Variants in CENPC observed in about 807,000 individuals in gnomAD.
CENPC encodes CENP-C 1.
A neutral mutation model predicts 112.1 loss-of-function variants in CENPC; 63 were observed. The ratio of observed to expected loss-of-function variants is 0.56; its 90% confidence interval spans 0.46 to 0.69. The LOEUF is 0.69. CENPC is among the 30% of genes least tolerant of loss of function. The pLI, the probability that CENPC is intolerant of heterozygous loss-of-function variation, is 0.00. For synonymous variants in CENPC, 333 were observed against 367.6 expected, an observed-to-expected ratio of 0.91 and a Z score of 1.08; for missense variants, 1,000 against 1,103.8, an observed-to-expected ratio of 0.91 and a Z score of 1.33.
At chr4:67,511,604 G>C (rs1207533301) in intron 9 of CENPC, among the ~76,000 whole-genome samples, 1 of 152,046 alleles carries the variant, frequency 6.6e-6, no homozygotes, top group Non-Finnish European at 1.5e-5. Context: ...GTGGTGTTGT[G>C]GGCCTAAACT....
intron 12 of CENPC, among the ~76,000 whole-genome samples, chr4:67,504,092 CAAAAAA>C (rs33925641): frequency 8.8e-6 from 1 of 114,104 alleles, no homozygotes; most frequent in Admixed American, 9.2e-5. Context: ...GTGAATGGGG[CAAAAAA>C]AAAAAAAAAA....
At chr4:67,523,087 G>A (rs191492446) in intron 5 of CENPC, among the ~76,000 whole-genome samples, 232 of 152,120 alleles carry the variant, frequency 1.5e-3, no homozygotes, top group African/African-American at 4.7e-3. Context: ...TGAGGCAGGC[G>A]GATAACTTGA....
chr4:67,483,878 C>A (rs1489042349), intron 17 of CENPC, among the ~76,000 whole-genome samples: 1 of 151,900 alleles, frequency 6.6e-6, no homozygotes, highest in Non-Finnish European at 1.5e-5. Flanking sequence ...ACAAAAGAGT[C>A]CAAAAGTTAA....
intron 17 of CENPC, among the ~76,000 whole-genome samples, chr4:67,478,790 G>GC (rs535815603): frequency 6.5e-4 from 99 of 152,182 alleles, no homozygotes; most frequent in African/African-American, 1.9e-3. Flanking sequence ...GAATGCATAA[G>GC]CATTCACCAA....
At chr4:67,502,411 A>T (rs1246461758) in intron 12 of CENPC, among the ~76,000 whole-genome samples, 1 of 152,198 alleles carries the variant, frequency 6.6e-6, no homozygotes, top group Non-Finnish European at 1.5e-5. Context: ...AGAAACAACA[A>T]CCAACCAAAA....
At chr4:67,544,026 C>T (rs563061688) in intron 2 of CENPC, 123 bp downstream of exon 2, 1 of 645,478 alleles carries the variant, frequency 1.5e-6, no homozygotes, top group East Asian at 2.9e-5. Context: ...AGATGACTAC[C>T]CTTAATCAGT....
chr4:67,529,861 T>C (rs1265845878), intron 5 of CENPC, among the ~76,000 whole-genome samples: 1 of 152,148 alleles, frequency 6.6e-6, no homozygotes, highest in African/African-American at 2.4e-5. Flanking sequence ...AAGCTACTAT[T>C]AGTAACAAGA....
At chr4:67,540,207 T>A (rs1726849993) in intron 3 of CENPC, among the ~76,000 whole-genome samples, 1 of 152,230 alleles carries the variant, frequency 6.6e-6, no homozygotes, top group Non-Finnish European at 1.5e-5. Flanking sequence ...CATCTGCCCC[T>A]ATTTCTTTGG....
chr4:67,521,487 T>C (rs1726228609), intron 5 of CENPC, among the ~76,000 whole-genome samples: 3 of 152,164 alleles, frequency 2.0e-5, no homozygotes, highest in East Asian at 3.8e-4. Flanking sequence ...AATGAGATAC[T>C]ACATCACACC....
chr4:67,490,840 AT>A (rs1299827975), intron 16 of CENPC, among the ~76,000 whole-genome samples: 1,273 of 6,660 alleles, frequency 0.19, 10 homozygotes, highest in Non-Finnish European at 0.33. Context: ...AGAAATAAAT[AT>A]ATATATATAT....
intron 17 of CENPC, among the ~76,000 whole-genome samples, chr4:67,478,639 C>A (rs1724870342): frequency 6.6e-6 from 1 of 150,658 alleles, no homozygotes; most frequent in African/African-American, 2.5e-5. Context: ...AACACACACA[C>A]ACACACACAC....
intron 4 of CENPC, among the ~76,000 whole-genome samples, chr4:67,531,414 G>A (rs550461654): frequency 4.6e-5 from 7 of 152,250 alleles, no homozygotes; most frequent in East Asian, 1.9e-4. Flanking sequence ...TATATTTAAA[G>A]GACCAGCTTA....
In CENPC at chr4:67,494,020, A is replaced by G. The variant is rs375834191; in HGVS notation, c.2186-32T>C. On this transcript the variant is annotated intron_variant, in intron 13 of 18. Transcript: ENST00000273853. ...AAAGATGTCAGACAAAAGTGTATAC[A>G]TAGTTTTTAGTTGATGGTACTTAGC... is the stretch of plus-strand genomic sequence containing the variant. 2.3e-5 allele frequency: 34 copies of G among 1,454,780 alleles called. 1 individual carries two copies. The African/African-American group carries it at 3.6e-4, about 16-fold the overall frequency. The allele number at this position is 1,454,780 out of a possible 1,614,324, so 90.1% of individuals were successfully genotyped here.
Position 67,475,335 on chromosome 4 carries a change from G to C in CENPC, c.2671-357C>G, listed in dbSNP as rs538064784. ...TGGGGCCATATGCCAAGAAACATGA[G>C]TTATTTCTAAAATCTAAGAATGACA... On this transcript the variant is annotated intron_variant, in intron 17 of 18. Coordinates refer to ENST00000273853, the MANE Select transcript of CENPC (RefSeq NM_001812.4). 2.0e-5 allele frequency among the ~76,000 whole-genome samples: 3 copies of C among 152,330 alleles called. No homozygotes were observed. The South Asian group carries it at 6.2e-4, about 32-fold the overall frequency.
In CENPC at chr4:67,471,329, T is replaced by C. The variant is rs1002946114; in HGVS notation, c.*1276A>G. On this transcript the variant is annotated 3_prime_UTR_variant, in exon 19 of 19. Transcript: ENST00000273853. ...TTTAAAACAATACAAATCCCTTAGATATAAAACAAAATTGAGTTGCTACAA... is the reference window on the plus strand; with the variant it reads ...TTTAAAACAATACAAATCCCTTAGACATAAAACAAAATTGAGTTGCTACAA... 6.6e-6 allele frequency: 1 copy of C among 152,050 alleles called. No homozygotes were observed. The highest frequency in any genetic ancestry group is 2.4e-5 in the African/African-American group (1 of 41,416). 9.4% of individuals were successfully genotyped at this position (152,050 alleles called of 1,614,324 possible). A position where few individuals can be genotyped will look rare whatever the true frequency, so the allele number is the denominator to read the frequency against.
intron 16 of CENPC, among the ~76,000 whole-genome samples, chr4:67,490,934 A>G (rs934374445): frequency 4.1e-5 from 6 of 147,880 alleles, no homozygotes; most frequent in Admixed American, 1.4e-4. Context: ...CAAGAAACAA[A>G]TAAGAAATGA....
intron 17 of CENPC, among the ~76,000 whole-genome samples, chr4:67,487,510 G>A (rs13107473): frequency 6.6e-6 from 1 of 151,694 alleles, no homozygotes; most frequent in Non-Finnish European, 1.5e-5. Flanking sequence ...TCGATTCCAA[G>A]CTCAGTTTCA....
intron 7 of CENPC, among the ~76,000 whole-genome samples, chr4:67,517,937 TCTTTC>T (rs1726106437): frequency 6.6e-6 from 1 of 152,220 alleles, no homozygotes; most frequent in African/African-American, 2.4e-5. Flanking sequence ...AAACTTGTTT[TCTTTC>T]AAGTCTAATT....
chr4:67,486,043 C>T (rs995163542), intron 17 of CENPC, among the ~76,000 whole-genome samples: 3 of 152,226 alleles, frequency 2.0e-5, no homozygotes, highest in Admixed American at 6.5e-5. Context: ...AAAGTTATTA[C>T]ATCCAAAAAT....
Sources: allele counts gnomAD v4.1 joint callset (sites outside exome capture counted in the v4.1 genomes callset), GRCh38; gene constraint gnomAD v4.1.1; transcripts MANE v1.5; gene names NCBI Gene and HGNC (gene_info 2026-07-23, HGNC 2026-07-21).